Variants in TSHZ3 observed in about 807,000 individuals in gnomAD.
TSHZ3 encodes teashirt homolog 3.
In TSHZ3, 10 loss-of-function variants were observed where a neutral mutation model predicts 64.5. That is an observed-to-expected ratio of 0.16 (90% confidence interval 0.10 to 0.26). The LOEUF (loss-of-function observed/expected upper bound fraction) is 0.26, where lower values mean the gene tolerates loss of function less well. TSHZ3 is among the 10% of genes least tolerant of loss of function. TSHZ3 has a pLI of 1.00. For synonymous variants in TSHZ3, 608 were observed against 593.1 expected (o/e 1.03, Z -0.36); for missense variants, 1,242 against 1,421.7 (o/e 0.87, Z 2.03).
chr19:31,350,542 C>G (rs986554252), upstream of TSHZ3, among the ~76,000 whole-genome samples: 11 of 151,472 alleles, frequency 7.3e-5, no homozygotes, highest in African/African-American at 2.4e-4. Flanking sequence ...CCCCCGAGAG[C>G]CTAGGGGGCC....
At chr19:31,298,795 G>C (rs1277015249) in intron 1 of TSHZ3, among the ~76,000 whole-genome samples, 1 of 152,174 alleles carries the variant, frequency 6.6e-6, no homozygotes, top group East Asian at 1.9e-4. Flanking sequence ...AAAAAAAGCA[G>C]CCAGGGCTTT....
intron 1 of TSHZ3, among the ~76,000 whole-genome samples, chr19:31,298,341 C>A (rs983426063): frequency 2.0e-5 from 3 of 152,098 alleles, no homozygotes; most frequent in African/African-American, 7.2e-5. Context: ...CAGCCCTCCC[C>A]ATACAGAGCA....
upstream of TSHZ3, chr19:31,349,490 CAGA>C: frequency 2.8e-6 from 1 of 361,530 alleles, no homozygotes; most frequent in Non-Finnish European, 4.9e-6. Flanking sequence ...GAGGAGGAGG[CAGA>C]GGAGGAGGAG....
rs117462749 is a variant in TSHZ3 at position 31,184,930 on chromosome 19, C to T, written n.809+20026G>A. Reference sequence around the variant, plus strand: ...AGAAGGAAAAAATGCATTCCTCTGCCTCTTTATTTTTCCCCCCAAGGGGTT... The same window carrying T: ...AGAAGGAAAAAATGCATTCCTCTGCTTCTTTATTTTTCCCCCCAAGGGGTT... On this transcript the variant is annotated intron_variant and non_coding_transcript_variant, in intron 5 of 6. Transcript: ENST00000651361. Among the ~76,000 whole-genome samples, 27 of 152,328 alleles carry T rather than the reference C, an allele frequency of 1.8e-4. No individual in the cohort carries two copies. The East Asian group carries it at 5.0e-3, about 28-fold the overall frequency.
chr19:31,174,433 T>C (rs938184018), intron 5 of TSHZ3, among the ~76,000 whole-genome samples: 1 of 152,202 alleles, frequency 6.6e-6, no homozygotes, highest in Admixed American at 6.5e-5. Context: ...GAGGGCCACC[T>C]GCTTTGCTTA....
At chr19:31,323,259 G>A (rs1306079487) in intron 1 of TSHZ3, among the ~76,000 whole-genome samples, 1 of 152,148 alleles carries the variant, frequency 6.6e-6, no homozygotes, top group Non-Finnish European at 1.5e-5. Context: ...TGCTGCCACC[G>A]TAGATCCCTG....
chr19:31,306,947 A>G (rs1916315778), intron 1 of TSHZ3, among the ~76,000 whole-genome samples: 1 of 152,302 alleles, frequency 6.6e-6, no homozygotes, highest in Middle Eastern at 3.4e-3. Context: ...ATGAAGATTT[A>G]GAGTTCTCTC....
chr19:31,292,316 C>G (rs1228003458), intron 1 of TSHZ3, among the ~76,000 whole-genome samples: 1 of 152,112 alleles, frequency 6.6e-6, no homozygotes, highest in Non-Finnish European at 1.5e-5. Context: ...TTTAACAAGG[C>G]AGTTCATTGA....
chr19:31,169,985 C>T (rs1251637484), intron 5 of TSHZ3, among the ~76,000 whole-genome samples: 1 of 152,160 alleles, frequency 6.6e-6, no homozygotes, highest in Non-Finnish European at 1.5e-5. Context: ...TGTTTTTCAT[C>T]TGCACTGCTA....
chr19:31,202,851 T>C (rs1975107735), intron 5 of TSHZ3, among the ~76,000 whole-genome samples: 1 of 152,212 alleles, frequency 6.6e-6, no homozygotes, highest in Non-Finnish European at 1.5e-5. Context: ...CATTCAGTAA[T>C]TCATTTGTTC....
In TSHZ3 at chr19:31,279,238, G is replaced by C. The variant is rs1342137924; in HGVS notation, c.555C>G (p.Leu185=). ...TLQQVSQSRM[L]PEPSLFSTVQ... is the part of the protein sequence containing the mutation. ...CGGTGCTGAAGAGGCTGGGCTCCGG[G>C]AGCATGCGGCTCTGTGACACCTGCT... The change falls in exon 2 of 2, where the codon CTC becomes CTG. Residue 185 remains leucine, a synonymous_variant. Coordinates refer to ENST00000240587, the MANE Select transcript of TSHZ3 (RefSeq NM_020856.4). This position sits in a 1 kb window ranked among gnomAD's most constrained non-coding sequence, Gnocchi z 6.4. The C allele has an allele frequency of 2.5e-6, 4 of 1,614,056 alleles. No homozygotes were observed. In the South Asian group the frequency reaches 4.4e-5, roughly 18 times the overall value.
In TSHZ3 at chr19:31,246,090, G is replaced by A. The variant is rs117480369; in HGVS notation, n.64-3215C>T. On this transcript the variant is annotated intron_variant and non_coding_transcript_variant, in intron 1 of 6. Coordinates refer to the TSHZ3 transcript ENST00000651361. ...GAGTTAAGCTGCAATGAAGTGAATC[G>A]ACATGTCACAACATCAAAAGTCTCC... Among the ~76,000 whole-genome samples the A allele has an allele frequency of 1.6e-3, 249 of 152,222 alleles. 7 individuals are homozygous for A. The East Asian group carries it at 0.037, about 23-fold the overall frequency.
chr19:31,313,493 G>C (rs920159574), intron 1 of TSHZ3, among the ~76,000 whole-genome samples: 6 of 152,176 alleles, frequency 3.9e-5, no homozygotes, highest in Non-Finnish European at 5.9e-5. Context: ...GTGGGCACCT[G>C]GCAGGGACTA....
At chr19:31,270,600 C>G (rs948532053), downstream of TSHZ3, among the ~76,000 whole-genome samples, 1 of 152,210 alleles carries the variant, frequency 6.6e-6, no homozygotes, top group Non-Finnish European at 1.5e-5. Context: ...CGGGCTTGGG[C>G]CACTGTACCT....
chr19:31,316,710 T>A (rs572055956), intron 1 of TSHZ3, among the ~76,000 whole-genome samples: 1 of 152,122 alleles, frequency 6.6e-6, no homozygotes, highest in African/African-American at 2.4e-5. Context: ...AAGGAAATGT[T>A]CAAGTGTCTG....
chr19:31,229,028 G>T (rs1323672250), intron 3 of TSHZ3, among the ~76,000 whole-genome samples: 1 of 152,154 alleles, frequency 6.6e-6, no homozygotes, highest in Non-Finnish European at 1.5e-5. Flanking sequence ...CTGACCCAGT[G>T]GTTTTAGAAG....
chr19:31,291,143 T>A (rs1397015536), intron 1 of TSHZ3, among the ~76,000 whole-genome samples: 2 of 152,152 alleles, frequency 1.3e-5, no homozygotes, highest in Non-Finnish European at 2.9e-5. Flanking sequence ...AGGGAACCCA[T>A]GGCAACGAGG....
intron 1 of TSHZ3, among the ~76,000 whole-genome samples, chr19:31,313,266 T>G (rs1034104983): frequency 6.6e-6 from 1 of 152,224 alleles, no homozygotes; most frequent in African/African-American, 2.4e-5. Context: ...AACCTCTGAA[T>G]GTCCAGTTGG....
chr19:31,190,797 G>C (rs1376280235), intron 5 of TSHZ3, among the ~76,000 whole-genome samples: 1 of 151,916 alleles, frequency 6.6e-6, no homozygotes, highest in Non-Finnish European at 1.5e-5. Context: ...ATATGTTCAA[G>C]GATTTAAAAT....
Sources: allele counts gnomAD v4.1 joint callset (sites outside exome capture counted in the v4.1 genomes callset), GRCh38; gene constraint gnomAD v4.1.1; non-coding constraint Gnocchi (gnomAD v3.1); transcripts MANE v1.5; gene names NCBI Gene and HGNC (gene_info 2026-07-23, HGNC 2026-07-21).